Variants in THSD7A observed in about 807,000 individuals in gnomAD.
The protein encoded by THSD7A is thrombospondin type 1 domain containing 7A, also known as thrombospondin type-1 domain-containing protein 7A.
THSD7A carries 96 observed loss-of-function variants against 231.3 expected under a neutral mutation model. The observed-to-expected ratio is 0.41, with a 90% confidence interval of 0.35 to 0.49. The LOEUF (loss-of-function observed/expected upper bound fraction) is 0.49, where lower values mean the gene tolerates loss of function less well. Ranked by LOEUF, THSD7A falls within the 20% of genes least tolerant of loss-of-function variation. The probability of loss-of-function intolerance (pLI) is 0.05; values close to 1 mark genes in which losing one functional copy is unlikely to be tolerated. For missense variants in THSD7A, 2,290 were observed against 2,070.2 expected, an observed-to-expected ratio of 1.11 and a Z score of -2.06; for synonymous variants, 940 against 743.3, an observed-to-expected ratio of 1.26 and a Z score of -4.30.
intron 2 of THSD7A, among the ~76,000 whole-genome samples, chr7:11,616,121 G>A (rs1013203244): frequency 1.3e-5 from 2 of 151,942 alleles, no homozygotes; most frequent in African/African-American, 4.8e-5. Context: ...ATATACTAAA[G>A]TTTTAAATAG....
rs1368987313 is a variant in THSD7A at position 11,769,130 on chromosome 7, T to C, written c.190+62627A>G. ...CTGCCATAATTCCTGGCAATATATA[T>C]ATATATATATATATATATATATATT... On this transcript the variant is annotated intron_variant, in intron 1 of 27. Transcript: ENST00000423059. 2.3e-3 allele frequency among the ~76,000 whole-genome samples: 93 copies of C among 39,808 alleles called. 12 individuals carry two copies. Among genetic ancestry groups the C allele is most frequent in the African/African-American group, 6.4e-3 (86 of 13,408 alleles). 26.1% of individuals were successfully genotyped at this position (39,808 alleles called of 152,430 possible).
At chr7:11,533,503 C>A (rs538649536) in intron 6 of THSD7A, among the ~76,000 whole-genome samples, 1 of 152,160 alleles carries the variant, frequency 6.6e-6, no homozygotes, top group African/African-American at 2.4e-5. Context: ...AAATGTCCAT[C>A]AAAGATAGAT....
intron 1 of THSD7A, among the ~76,000 whole-genome samples, chr7:11,652,892 C>T (rs1782559107): frequency 6.6e-6 from 1 of 151,848 alleles, no homozygotes; most frequent in Admixed American, 6.6e-5. Flanking sequence ...AACATGAACT[C>T]AAAGCTATAG....
intron 4 of THSD7A, among the ~76,000 whole-genome samples, chr7:11,581,250 T>G (rs1203580494): frequency 6.6e-6 from 1 of 152,154 alleles, no homozygotes; most frequent in Non-Finnish European, 1.5e-5. Flanking sequence ...GGGACTTAAC[T>G]GGGTATTTAT....
At chr7:11,720,483 G>C (rs999887475) in intron 1 of THSD7A, among the ~76,000 whole-genome samples, 1 of 151,620 alleles carries the variant, frequency 6.6e-6, no homozygotes, top group East Asian at 2.0e-4. Flanking sequence ...CTTTCCATCA[G>C]CCTTTAAATA....
chr7:11,701,066 A>T (rs1288586422), intron 1 of THSD7A, among the ~76,000 whole-genome samples: 4 of 151,306 alleles, frequency 2.6e-5, no homozygotes, highest in Non-Finnish European at 5.9e-5. Context: ...ATAAGTTTTC[A>T]TGATTTAAAA....
intron 22 of THSD7A, among the ~76,000 whole-genome samples, chr7:11,404,737 C>G (rs1783525406): frequency 6.6e-6 from 1 of 152,080 alleles, no homozygotes; most frequent in African/African-American, 2.4e-5. Flanking sequence ...ATTTTCTTTT[C>G]TTTTACTTTA....
At chr7:11,547,203 CTT>C (rs1789437080) in intron 4 of THSD7A, among the ~76,000 whole-genome samples, 1 of 152,134 alleles carries the variant, frequency 6.6e-6, no homozygotes, top group Non-Finnish European at 1.5e-5. Flanking sequence ...CAAAAACACA[CTT>C]AAGTACACAG....
chr7:11,780,977 G>A (rs10271344), intron 1 of THSD7A, among the ~76,000 whole-genome samples: 1,686 of 99,836 alleles, frequency 0.017, 35 homozygotes, highest in African/African-American at 0.059. Context: ...CGGCCTGGGC[G>A]ACAGAGCGAG....
chr7:11,598,348 C>A (rs1001869540), intron 2 of THSD7A, among the ~76,000 whole-genome samples: 2 of 152,198 alleles, frequency 1.3e-5, no homozygotes, highest in Non-Finnish European at 2.9e-5. Flanking sequence ...TGGGTGACCT[C>A]AGCAGAGGAG....
intron 2 of THSD7A, among the ~76,000 whole-genome samples, chr7:11,599,469 G>A (rs2128343817): frequency 6.6e-6 from 1 of 152,272 alleles, no homozygotes; most frequent in South Asian, 2.1e-4. Context: ...GTTTGTTTAT[G>A]TATACACTTG....
Position 11,412,702 on chromosome 7 carries a change from G to T in THSD7A, c.3636C>A (p.Pro1212=), listed in dbSNP as rs750630844. Residue 1212 remains proline, a synonymous_variant, in exon 18 of 28, where the codon CCC becomes CCA. Transcript: ENST00000423059. ...GGTAGCAGTTTTTGTTCAGGTTACA[G>T]GGTTCTTTCTCAACAGCATTAGGGC... ...RSCPNAVEKE[P]CNLNKNCYHY... 6.2e-7 allele frequency: 1 copy of T among 1,613,682 alleles called. No individual in the cohort carries two copies. The highest frequency in any genetic ancestry group is 8.5e-7 in the Non-Finnish European group (1 of 1,179,842).
intron 1 of THSD7A, among the ~76,000 whole-genome samples, chr7:11,761,676 A>T (rs1046113118): frequency 6.6e-6 from 1 of 152,142 alleles, no homozygotes; most frequent in African/African-American, 2.4e-5. Context: ...GTCAATTTCT[A>T]ACAACCCTTT....
At chr7:11,647,192 C>A (rs1782315950) in intron 1 of THSD7A, among the ~76,000 whole-genome samples, 1 of 152,032 alleles carries the variant, frequency 6.6e-6, no homozygotes, top group Non-Finnish European at 1.5e-5. Context: ...ATCACAGACT[C>A]TCTCCCTCAA....
At chr7:11,717,418 C>T (rs1781177676) in intron 1 of THSD7A, among the ~76,000 whole-genome samples, 2 of 151,678 alleles carry the variant, frequency 1.3e-5, no homozygotes. Flanking sequence ...ATTATAAGTG[C>T]ATTCCTACCT....
chr7:11,688,634 G>A (rs1198801498), intron 1 of THSD7A, among the ~76,000 whole-genome samples: 1 of 151,838 alleles, frequency 6.6e-6, no homozygotes, highest in Non-Finnish European at 1.5e-5. Flanking sequence ...AAGAAGAGAA[G>A]ATTTCAGATA....
intron 1 of THSD7A, among the ~76,000 whole-genome samples, chr7:11,723,962 G>C (rs1162289665): frequency 6.6e-6 from 1 of 151,848 alleles, no homozygotes; most frequent in Non-Finnish European, 1.5e-5. Context: ...GCTGAATTGA[G>C]AATAGACCCA....
At chr7:11,397,202 G>T (rs966721399) in intron 23 of THSD7A, among the ~76,000 whole-genome samples, 1 of 152,122 alleles carries the variant, frequency 6.6e-6, no homozygotes, top group Admixed American at 6.5e-5. Flanking sequence ...GCACGGTACT[G>T]GTAGCAAAAC....
intron 1 of THSD7A, among the ~76,000 whole-genome samples, chr7:11,748,965 C>T (rs887655485): frequency 1.3e-5 from 2 of 151,868 alleles, no homozygotes; most frequent in African/African-American, 4.8e-5. Context: ...ACAGACAATT[C>T]CAGCTGAGCG....
Sources: gnomAD v4.1 joint callset for allele counts (sites outside exome capture counted in the v4.1 genomes callset) on GRCh38, gnomAD v4.1.1 for gene constraint, MANE v1.5 for transcripts, NCBI Gene and HGNC (gene_info 2026-07-23, HGNC 2026-07-21) for gene names.